Variants in ARB2A observed in about 807,000 individuals in gnomAD.
ARB2A encodes ARB2 cotranscriptional regulator A.
At chr5:93,872,175 T>C in the ARB2A span, among the ~76,000 whole-genome samples, 2 of 152,118 alleles carry the variant, frequency 1.3e-5, no homozygotes, top group East Asian at 1.9e-4. Context: ...CTTGAAATCC[T>C]GACTTCAAGT....
At chr5:93,992,037 T>C in the ARB2A span, among the ~76,000 whole-genome samples, 13 of 151,930 alleles carry the variant, frequency 8.6e-5, no homozygotes, top group African/African-American at 2.4e-4. Flanking sequence ...ACACATTACA[T>C]AGAGGGTAAC....
chr5:93,750,899 T>C, the ARB2A span, among the ~76,000 whole-genome samples: 2 of 152,184 alleles, frequency 1.3e-5, no homozygotes, highest in African/African-American at 4.8e-5. Flanking sequence ...GTATTTCATA[T>C]ATATTAATAT....
chr5:93,947,409 T>C, the ARB2A span, among the ~76,000 whole-genome samples: 167 of 152,058 alleles, frequency 1.1e-3, no homozygotes, highest in African/African-American at 3.9e-3. Flanking sequence ...CAAAGAAACC[T>C]CCTTTTAATA....
chr5:93,883,924 TACACACACACACAC>T, the ARB2A span, among the ~76,000 whole-genome samples: 9 of 133,986 alleles, frequency 6.7e-5, no homozygotes, highest in African/African-American at 1.1e-4. Flanking sequence ...CACATACACA[TACACACACACACAC>T]ACACACACAC....
chr5:93,965,620 T>C, the ARB2A span, among the ~76,000 whole-genome samples: 29 of 152,164 alleles, frequency 1.9e-4, no homozygotes, highest in East Asian at 4.2e-3. Context: ...AAATATTAAA[T>C]AGATGGTACT....
At chr5:93,621,187 G>A in the ARB2A span, 155 of 1,509,692 alleles carry the variant, frequency 1.0e-4, no homozygotes, top group Non-Finnish European at 1.3e-4. Context: ...GCGCGGTGAG[G>A]GCGGCGAGGG....
chr5:93,790,098 G>T, the ARB2A span, among the ~76,000 whole-genome samples: 8 of 152,274 alleles, frequency 5.3e-5, no homozygotes, highest in Non-Finnish European at 1.0e-4. Flanking sequence ...TCAAGTCCAT[G>T]CTCTGCCACT....
the ARB2A span, among the ~76,000 whole-genome samples, chr5:93,831,570 C>T: frequency 6.6e-6 from 1 of 152,086 alleles, no homozygotes; most frequent in Non-Finnish European, 1.5e-5. Context: ...CAGTAATCCA[C>T]ATATGTGAGA....
At chr5:93,810,344 T>A in the ARB2A span, among the ~76,000 whole-genome samples, 1 of 152,038 alleles carries the variant, frequency 6.6e-6, no homozygotes, top group Admixed American at 6.6e-5. Flanking sequence ...ACAAGGCTCA[T>A]CATACCTACC....
At chr5:94,080,266 T>C in the ARB2A span, among the ~76,000 whole-genome samples, 1 of 152,144 alleles carries the variant, frequency 6.6e-6, no homozygotes, top group East Asian at 1.9e-4. Flanking sequence ...ACTCTAATTC[T>C]ATAGTAAAAA....
At chr5:93,692,143 A>G in the ARB2A span, among the ~76,000 whole-genome samples, 5 of 152,224 alleles carry the variant, frequency 3.3e-5, no homozygotes, top group Non-Finnish European at 7.3e-5. Flanking sequence ...CCAGCTAGCC[A>G]TCATAATGAC....
At chr5:93,654,924 C>CAAA in the ARB2A span, among the ~76,000 whole-genome samples, 2 of 152,132 alleles carry the variant, frequency 1.3e-5, no homozygotes, top group African/African-American at 4.8e-5. Context: ...TTTTTTGTGT[C>CAAA]TGGTTCCTGG....
the ARB2A span, among the ~76,000 whole-genome samples, chr5:93,925,521 G>A: frequency 6.6e-6 from 1 of 152,120 alleles, no homozygotes; most frequent in Non-Finnish European, 1.5e-5. Flanking sequence ...TGGGTATGTG[G>A]GACAAAGGGA....
chr5:94,067,566 G>A, the ARB2A span, among the ~76,000 whole-genome samples: 4 of 152,034 alleles, frequency 2.6e-5, no homozygotes, highest in South Asian at 2.1e-4. Context: ...GATCAAAAAG[G>A]CAAACTCATT....
At chr5:93,659,923 C>T in the ARB2A span, among the ~76,000 whole-genome samples, 1 of 152,056 alleles carries the variant, frequency 6.6e-6, no homozygotes, top group African/African-American at 2.4e-5. Flanking sequence ...CTTGTAATTC[C>T]TTGTACCTGG....
the ARB2A span, among the ~76,000 whole-genome samples, chr5:93,877,300 C>T: frequency 6.6e-6 from 1 of 152,154 alleles, no homozygotes; most frequent in African/African-American, 2.4e-5. Flanking sequence ...CACATAGTCT[C>T]TAAAATTCTA....
the ARB2A span, among the ~76,000 whole-genome samples, chr5:93,905,997 C>T: frequency 6.6e-6 from 1 of 151,454 alleles, no homozygotes; most frequent in Non-Finnish European, 1.5e-5. Flanking sequence ...CCTTTGATAA[C>T]ACTGTTTCAT....
chr5:93,773,734 T>C, the ARB2A span, among the ~76,000 whole-genome samples: 1 of 152,192 alleles, frequency 6.6e-6, no homozygotes, highest in Non-Finnish European at 1.5e-5. Context: ...CCTGTGCTAA[T>C]AAACTTTTCC....
chr5:93,704,650 T>C, the ARB2A span, among the ~76,000 whole-genome samples: 5 of 152,186 alleles, frequency 3.3e-5, no homozygotes, highest in Admixed American at 6.5e-5. Flanking sequence ...GCTACTCCCT[T>C]AGCACTGCTA....
Sources: gnomAD v4.1 joint callset for allele counts (sites outside exome capture counted in the v4.1 genomes callset) on GRCh38, gnomAD v4.1.1 for gene constraint, MANE v1.5 for transcripts, NCBI Gene and HGNC (gene_info 2026-07-23, HGNC 2026-07-21) for gene names.